Variants in PPDPFL observed in about 807,000 individuals in gnomAD.
PPDPFL encodes the protein pancreatic progenitor cell differentiation and proliferation factor-like protein.
In PPDPFL, 12 loss-of-function variants were observed where a neutral mutation model predicts 12.6. That is an observed-to-expected ratio of 0.95 (90% confidence interval 0.61 to 1.54). PPDPFL has a LOEUF of 1.54. Ranked by LOEUF, PPDPFL falls within the 40% of genes most tolerant of loss-of-function variation. PPDPFL has a pLI of 0.00. For missense variants in PPDPFL, 114 were observed against 96.0 expected (o/e 1.19, Z -0.78); for synonymous variants, 24 against 32.7 (o/e 0.73, Z 0.91).
At chr8:49,060,677 A>T (rs990930829) in intron 1 of PPDPFL, among the ~76,000 whole-genome samples, 90 of 152,264 alleles carry the variant, frequency 5.9e-4, no homozygotes, top group African/African-American at 2.0e-3. Flanking sequence ...GATCAGCGGA[A>T]AAAAATGACT....
chr8:49,074,958 C>T (rs2129246800), intron 4 of PPDPFL, 194 bp from the exon 5 acceptor site: 2 of 1,372,792 alleles, frequency 1.5e-6, no homozygotes, highest in Non-Finnish European at 1.9e-6. Flanking sequence ...TGATGAATTT[C>T]CTATCTAAGA....
chr8:49,063,510 A>G (rs1808246307), intron 1 of PPDPFL, among the ~76,000 whole-genome samples: 1 of 152,156 alleles, frequency 6.6e-6, no homozygotes, highest in Admixed American at 6.5e-5. Context: ...TCCTGAGCCC[A>G]GGATTTCGAG....
chr8:49,074,812 C>G, intron 4 of PPDPFL: 2 of 1,424,162 alleles, frequency 1.4e-6, no homozygotes, highest in Non-Finnish European at 1.8e-6. Context: ...AACACACTGA[C>G]TAGCACAGTT....
At chr8:49,055,715 G>T (rs76189672) in intron 1 of PPDPFL, among the ~76,000 whole-genome samples, 2,983 of 152,092 alleles carry the variant, frequency 0.02, 102 homozygotes, top group African/African-American at 0.069. Context: ...AGGCATTTCA[G>T]ATTTGACTGT....
chr8:49,059,198 G>A (rs896083621), intron 1 of PPDPFL, among the ~76,000 whole-genome samples: 1 of 152,084 alleles, frequency 6.6e-6, no homozygotes, highest in Non-Finnish European at 1.5e-5. Context: ...TCCAGACCCA[G>A]GTCTATATAT....
chr8:49,068,932 A>G (rs945936404), upstream of PPDPFL, among the ~76,000 whole-genome samples: 2 of 152,198 alleles, frequency 1.3e-5, no homozygotes, highest in African/African-American at 2.4e-5. Context: ...CAAAAAACAG[A>G]TATCATTAGG....
At chr8:49,064,125 C>T (rs11996121) in intron 1 of PPDPFL, among the ~76,000 whole-genome samples, 10,161 of 152,154 alleles carry the variant, frequency 0.067, 1,018 homozygotes, top group African/African-American at 0.22. Flanking sequence ...CTTAAGACCT[C>T]AGGAATGCAA....
chr8:49,062,816 C>T (rs1180084885), intron 1 of PPDPFL, among the ~76,000 whole-genome samples: 1 of 152,114 alleles, frequency 6.6e-6, no homozygotes, highest in African/African-American at 2.4e-5. Flanking sequence ...AAAAATACAG[C>T]CAAGGATTTT....
chr8:49,059,073 T>C (rs1808155350), intron 1 of PPDPFL, among the ~76,000 whole-genome samples: 3 of 152,202 alleles, frequency 2.0e-5, no homozygotes, highest in South Asian at 4.1e-4. Flanking sequence ...GAGAACAGTG[T>C]CTGTGGCACC....
At chr8:49,054,910 A>G (rs1381823271) in intron 1 of PPDPFL, among the ~76,000 whole-genome samples, 2 of 152,004 alleles carry the variant, frequency 1.3e-5, no homozygotes, top group Non-Finnish European at 2.9e-5. Context: ...TTTGCCCAAT[A>G]TATTCTTTAA....
At chr8:49,069,213 C>A (rs1808343723), upstream of PPDPFL, among the ~76,000 whole-genome samples, 1 of 152,016 alleles carries the variant, frequency 6.6e-6, no homozygotes, top group African/African-American at 2.4e-5. Context: ...AAACAAAAAT[C>A]AATATAATTA....
intron 1 of PPDPFL, among the ~76,000 whole-genome samples, chr8:49,060,226 TG>T (rs1808177052): frequency 1.3e-5 from 2 of 152,354 alleles, no homozygotes; most frequent in African/African-American, 2.4e-5. Flanking sequence ...TAGGTGGACT[TG>T]GGCTCTTTGA....
At chr8:49,070,618 G>A (rs543744223), upstream of PPDPFL, among the ~76,000 whole-genome samples, 3 of 152,126 alleles carry the variant, frequency 2.0e-5, no homozygotes, top group Admixed American at 2.0e-4. Flanking sequence ...GTAGACAAAG[G>A]TGTAGCAAAA....
intron 4 of PPDPFL, 52 bp from the exon 5 acceptor site, chr8:49,075,100 A>T (rs1808469589): frequency 1.9e-6 from 3 of 1,599,320 alleles, no homozygotes; most frequent in South Asian, 2.2e-5. Context: ...TTATCTGGAC[A>T]GTGTTTCATT....
intron 1 of PPDPFL, among the ~76,000 whole-genome samples, chr8:49,058,182 G>T (rs567318656): frequency 2.5e-4 from 38 of 152,290 alleles, no homozygotes; most frequent in Middle Eastern, 3.4e-3. Flanking sequence ...AGTTAGACCT[G>T]TAACCTCTGA....
At chr8:49,062,244 G>C (rs1808221519) in intron 1 of PPDPFL, among the ~76,000 whole-genome samples, 1 of 152,136 alleles carries the variant, frequency 6.6e-6, no homozygotes, top group Non-Finnish European at 1.5e-5. Context: ...AGAATTTTTT[G>C]ATAAGGGTGA....
At chr8:49,062,071 TACA>T (rs1490130734) in intron 1 of PPDPFL, among the ~76,000 whole-genome samples, 1 of 152,212 alleles carries the variant, frequency 6.6e-6, no homozygotes, top group African/African-American at 2.4e-5. Context: ...CTGCATGAGT[TACA>T]ACATTAGCTA....
At chr8:49,057,120 A>G (rs1200038912) in intron 1 of PPDPFL, among the ~76,000 whole-genome samples, 1 of 152,214 alleles carries the variant, frequency 6.6e-6, no homozygotes, top group African/African-American at 2.4e-5. Flanking sequence ...TGAAGCCCTT[A>G]GTACTGTACC....
At chr8:49,068,822 A>G (rs1212007799), upstream of PPDPFL, among the ~76,000 whole-genome samples, 3 of 152,212 alleles carry the variant, frequency 2.0e-5, no homozygotes, top group Non-Finnish European at 2.9e-5. Flanking sequence ...ACATGCATAC[A>G]TGTGGCTGAG....
Sources: allele counts gnomAD v4.1 joint callset (sites outside exome capture counted in the v4.1 genomes callset), GRCh38; gene constraint gnomAD v4.1.1; transcripts MANE v1.5; gene names NCBI Gene and HGNC (gene_info 2026-07-23, HGNC 2026-07-21).